Variants in CNRIP1 observed in about 807,000 individuals in gnomAD.
The protein encoded by CNRIP1 is CB1 cannabinoid receptor-interacting protein 1.
CNRIP1 carries 10 observed loss-of-function variants against 15.2 expected under a neutral mutation model. That is an observed-to-expected ratio of 0.66 (90% CI 0.41 to 1.12). CNRIP1 has a LOEUF of 1.12. Among genes scored for constraint, CNRIP1 ranks in the 50% most tolerant of loss-of-function variants. The probability of loss-of-function intolerance (pLI) is 0.00; values close to 1 mark genes in which losing one functional copy is unlikely to be tolerated. For synonymous variants in CNRIP1, 91 were observed against 83.2 expected (o/e 1.09, Z -0.51); for missense variants, 211 against 214.7 (o/e 0.98, Z 0.11).
At chr2:68,294,976 C>T (rs541704239) in intron 2 of CNRIP1, among the ~76,000 whole-genome samples, 49 of 152,206 alleles carry the variant, frequency 3.2e-4, no homozygotes, top group Non-Finnish European at 5.6e-4. Flanking sequence ...CCTGGAATAC[C>T]CTGGAGGCCA....
At chr2:68,289,154 C>G (rs1486984681), downstream of CNRIP1, among the ~76,000 whole-genome samples, 3 of 152,090 alleles carry the variant, frequency 2.0e-5, no homozygotes, top group Admixed American at 6.5e-5. Flanking sequence ...CATTCTTGAC[C>G]TTGACTTTTT....
At chr2:68,288,326 C>T (rs1671083094), downstream of CNRIP1, among the ~76,000 whole-genome samples, 1 of 152,074 alleles carries the variant, frequency 6.6e-6, no homozygotes, top group African/African-American at 2.4e-5. Context: ...TAAGCTGGCA[C>T]TTGAAGGCGT....
intron 1 of CNRIP1, among the ~76,000 whole-genome samples, 179 bp downstream of exon 1, chr2:68,319,043 G>A (rs541559215): frequency 4.4e-4 from 67 of 152,382 alleles, no homozygotes; most frequent in South Asian, 2.3e-3. Flanking sequence ...AGGAATACAA[G>A]CCAAAGGGAA....
chr2:68,303,007 C>T (rs1360466062), intron 2 of CNRIP1, among the ~76,000 whole-genome samples: 26 of 151,904 alleles, frequency 1.7e-4, no homozygotes, highest in Non-Finnish European at 2.9e-4. Flanking sequence ...GCTACCTCGC[C>T]CGGCTAATTT....
chr2:68,292,753 C>G (rs2103887507), downstream of CNRIP1, among the ~76,000 whole-genome samples: 1 of 152,256 alleles, frequency 6.6e-6, no homozygotes, highest in South Asian at 2.1e-4. Flanking sequence ...GGGGTCACCA[C>G]AGAAAGAGTA....
chr2:68,317,253 A>G lies in CNRIP1; in HGVS notation c.234T>C (p.Pro78=). Reference sequence around the variant, plus strand: ...CCGTATAAACAACTCTGTCCCCATCAGGCTCTTTAGACTTCAGTTCCAGTG... The same window carrying G: ...CCGTATAAACAACTCTGTCCCCATCGGGCTCTTTAGACTTCAGTTCCAGTG... The part of the protein sequence containing the change: ...LVPLELKSKE[P]DGDRVVYTGT... The change falls in exon 2 of 3, where the codon CCT becomes CCC. Residue 78 remains proline (P), a synonymous_variant. Coordinates refer to ENST00000263655, the MANE Select transcript of CNRIP1 (RefSeq NM_015463.3). The G allele has an allele frequency of 6.2e-7, 1 of 1,614,148 alleles. No individual in the cohort carries two copies. The highest frequency in any genetic ancestry group is 8.5e-7 in the Non-Finnish European group (1 of 1,180,008).
intron 1 of CNRIP1, 74 bp downstream of exon 1, chr2:68,319,148 G>A (rs1031412195): frequency 1.4e-6 from 2 of 1,401,318 alleles, no homozygotes; most frequent in Non-Finnish European, 9.4e-7. Flanking sequence ...AGAGGCTCGG[G>A]CTGTCCTGGG....
At chr2:68,310,079 G>A (rs905076976) in intron 2 of CNRIP1, among the ~76,000 whole-genome samples, 2 of 152,152 alleles carry the variant, frequency 1.3e-5, no homozygotes, top group African/African-American at 4.8e-5. Context: ...TGTAATCCCA[G>A]CACTTTGGGA....
At chr2:68,310,595 C>A (rs1313399163) in intron 2 of CNRIP1, among the ~76,000 whole-genome samples, 3 of 151,852 alleles carry the variant, frequency 2.0e-5, no homozygotes, top group African/African-American at 7.3e-5. Context: ...TACAAAAAAC[C>A]AGTAATACCC....
intron 2 of CNRIP1, among the ~76,000 whole-genome samples, chr2:68,312,605 T>C (rs1225453924): frequency 6.6e-6 from 1 of 152,166 alleles, no homozygotes; most frequent in Non-Finnish European, 1.5e-5. Flanking sequence ...GCGAAGGTCC[T>C]AGCCATTGCA....
intron 2 of CNRIP1, among the ~76,000 whole-genome samples, chr2:68,308,762 T>C (rs1671962713): frequency 6.6e-6 from 1 of 152,086 alleles, no homozygotes. Context: ...AAAACACAGA[T>C]TGTCAATTAT....
At chr2:68,307,317 C>T (rs768857946) in intron 2 of CNRIP1, among the ~76,000 whole-genome samples, 2 of 151,978 alleles carry the variant, frequency 1.3e-5, no homozygotes, top group African/African-American at 4.8e-5. Context: ...AACTACATAT[C>T]GTTACAATTT....
In CNRIP1 at chr2:68,319,417, G is replaced by A. The variant is rs760322502; in HGVS notation, c.-17C>T. 1.3e-6 allele frequency: 2 copies of A among 1,528,472 alleles called. No individual in the cohort carries two copies. 94.7% of individuals were successfully genotyped at this position (1,528,472 alleles called of 1,614,324 possible). ...GTCCCCCATGTCTGGGCGAGGGTCT[G>A]GCGCGGCGGCTCCGGGGGGCGGAGG... On this transcript the variant is annotated 5_prime_UTR_variant, in exon 1 of 3. Coordinates refer to ENST00000263655, the MANE Select transcript of CNRIP1 (RefSeq NM_015463.3).
At chr2:68,309,401 T>C (rs1277593494) in intron 2 of CNRIP1, among the ~76,000 whole-genome samples, 1 of 152,230 alleles carries the variant, frequency 6.6e-6, no homozygotes, top group Admixed American at 6.5e-5. Flanking sequence ...CTGACTTTTA[T>C]GGGAAATTTC....
At position 68,309,484 on chromosome 2, in the gene CNRIP1, C is replaced by T. The variant is rs139011125; in HGVS notation, c.330+7673G>A. Among the ~76,000 whole-genome samples the T allele has an allele frequency of 5.4e-3, 821 of 152,260 alleles. 6 individuals carry two copies. The highest frequency in any genetic ancestry group is 0.019 in the African/African-American group (795 of 41,538). On this transcript the variant is annotated intron_variant, in intron 2 of 2. Coordinates refer to ENST00000263655, the MANE Select transcript of CNRIP1 (RefSeq NM_015463.3). ...TCAGAGCATAAACTATAAAAAAGTTCCTAATTCACTTCACAAAGCTATTAA... is the reference window on the plus strand; with the variant it reads ...TCAGAGCATAAACTATAAAAAAGTTTCTAATTCACTTCACAAAGCTATTAA...
intron 2 of CNRIP1, among the ~76,000 whole-genome samples, chr2:68,303,345 GGTAA>G (rs1240926085): frequency 6.6e-6 from 1 of 152,102 alleles, no homozygotes; most frequent in Non-Finnish European, 1.5e-5. Context: ...CTGAGCACTG[GGTAA>G]GTGTGGAGAA....
intron 2 of CNRIP1, among the ~76,000 whole-genome samples, chr2:68,302,940 G>A (rs1033094315): frequency 3.2e-5 from 4 of 124,522 alleles, no homozygotes; most frequent in Admixed American, 2.5e-4. Flanking sequence ...TCCGCCCCCC[G>A]GGGTTCACGC....
intron 2 of CNRIP1, among the ~76,000 whole-genome samples, chr2:68,314,890 A>G (rs943776422): frequency 1.3e-5 from 2 of 152,132 alleles, no homozygotes; most frequent in African/African-American, 4.8e-5. Flanking sequence ...TCTGTAATTC[A>G]TCTAAAATTT....
chr2:68,306,851 T>A lies in CNRIP1; in HGVS notation c.330+10306A>T, dbSNP rs1292169213. Among the ~76,000 whole-genome samples the A allele has an allele frequency of 2.0e-5, 3 of 152,068 alleles. No individual in the cohort carries two copies. In the South Asian group the frequency reaches 6.2e-4, roughly 32 times the overall value. On this transcript the variant is annotated intron_variant, in intron 2 of 2. Transcript: ENST00000263655. ...ATGTATTTTTTGAAGAAAGTCAGAT[T>A]CTCGAATACTGTCATTTACAATCAC...
Sources: allele counts gnomAD v4.1 joint callset (sites outside exome capture counted in the v4.1 genomes callset), GRCh38; gene constraint gnomAD v4.1.1; transcripts MANE v1.5; gene names NCBI Gene and HGNC (gene_info 2026-07-23, HGNC 2026-07-21).